Variants in CMSS1 observed in about 807,000 individuals in gnomAD.
The protein encoded by CMSS1 is protein CMSS1.
A neutral mutation model predicts 43.5 loss-of-function variants in CMSS1; 33 were observed. The ratio of observed to expected loss-of-function variants is 0.76; its 90% CI spans 0.57 to 1.01. The LOEUF (loss-of-function observed/expected upper bound fraction) is 1.01, where lower values mean the gene tolerates loss of function less well. CMSS1 is among the 50% of genes least tolerant of loss of function. The pLI is 0.00. For synonymous variants in CMSS1, 115 were observed against 117.2 expected (o/e 0.98, Z 0.12); for missense variants, 313 against 326.4 (o/e 0.96, Z 0.32).
intron 1 of CMSS1, chr3:100,114,480 C>T (rs1250869085): frequency 3.9e-5 from 6 of 154,782 alleles, no homozygotes; most frequent in Admixed American, 1.9e-4. Flanking sequence ...CAGGCACAGG[C>T]TCCGTGAGCA....
intron 1 of CMSS1, among the ~76,000 whole-genome samples, chr3:99,884,800 A>G (rs1409403071): frequency 6.6e-6 from 1 of 152,232 alleles, no homozygotes; most frequent in Non-Finnish European, 1.5e-5. Context: ...TGTATACAGG[A>G]TACCATGGAA....
intron 1 of CMSS1, among the ~76,000 whole-genome samples, chr3:100,058,745 G>T (rs144146179): frequency 6.6e-6 from 1 of 152,328 alleles, no homozygotes; most frequent in African/African-American, 2.4e-5. Flanking sequence ...AGGCTTTTCA[G>T]TAGAAGGAGG....
rs530314825 is a variant in CMSS1 at position 99,841,903 on chromosome 3, G to A, written c.64+23860G>A. Among the ~76,000 whole-genome samples the A allele has an allele frequency of 5.3e-5, 8 of 152,254 alleles. No individual in the cohort carries two copies. The South Asian group carries it at 1.0e-3, about 20-fold the overall frequency. On this transcript the variant is annotated intron_variant, in intron 1 of 9. Coordinates refer to ENST00000421999, the MANE Select transcript of CMSS1 (RefSeq NM_032359.4). ...TGTTGGTGAGAATGTAAACTAGTAC[G>A]AGCATGGAAAACAGTGTGGAGATTC...
At chr3:100,042,338 C>CA (rs935944035) in intron 1 of CMSS1, among the ~76,000 whole-genome samples, 1 of 151,778 alleles carries the variant, frequency 6.6e-6, no homozygotes, top group African/African-American at 2.4e-5. Flanking sequence ...CAGCCAGTAA[C>CA]AAAAAAACAT....
chr3:100,168,478 G>A (rs1393003532), intron 6 of CMSS1, among the ~76,000 whole-genome samples: 1 of 152,058 alleles, frequency 6.6e-6, no homozygotes, highest in Non-Finnish European at 1.5e-5. Flanking sequence ...GAGAACTCTT[G>A]AGCCCTGGAG....
intron 1 of CMSS1, among the ~76,000 whole-genome samples, chr3:99,987,611 C>A (rs755844504): frequency 3.3e-5 from 5 of 151,820 alleles, no homozygotes; most frequent in African/African-American, 9.7e-5. Context: ...AACCCTCTGG[C>A]CTTAATCTTA....
chr3:100,033,059 A>G (rs2065045886), intron 1 of CMSS1, among the ~76,000 whole-genome samples: 2 of 152,088 alleles, frequency 1.3e-5, no homozygotes, highest in South Asian at 4.1e-4. Context: ...GAGACATGGT[A>G]ACCAAAAAAA....
intron 1 of CMSS1, among the ~76,000 whole-genome samples, chr3:99,983,466 A>ATGTGTG (rs1276688981): frequency 0.034 from 204 of 6,054 alleles, no homozygotes; most frequent in Non-Finnish European, 0.056. Flanking sequence ...ATATGTGTGT[A>ATGTGTG]TATATATATA....
At chr3:99,821,401 T>A (rs1191497742) in intron 1 of CMSS1, among the ~76,000 whole-genome samples, 1 of 152,212 alleles carries the variant, frequency 6.6e-6, no homozygotes, top group Non-Finnish European at 1.5e-5. Context: ...GTCTAGTCAC[T>A]CCATTGGTGG....
rs529299629 is a variant in CMSS1, at chr3:99,961,241, C to T, written c.64+143198C>T. On this transcript the variant is annotated intron_variant, in intron 1 of 9. Transcript: ENST00000421999. Reference sequence around the variant, plus strand: ...CGAGGGGATCCGGACTTGCCTCTTGCAGGTGTTATCCCCTGTGTTGGAATG... The same window carrying T: ...CGAGGGGATCCGGACTTGCCTCTTGTAGGTGTTATCCCCTGTGTTGGAATG... Among the ~76,000 whole-genome samples, 267 of 152,270 alleles carry T rather than the reference C, an allele frequency of 1.8e-3. 1 individual carries two copies. The highest frequency in any genetic ancestry group is 6.1e-3 in the African/African-American group (255 of 41,548).
intron 1 of CMSS1, among the ~76,000 whole-genome samples, chr3:99,927,066 A>T (rs1463214467): frequency 1.3e-5 from 2 of 151,966 alleles, no homozygotes; most frequent in African/African-American, 2.4e-5. Flanking sequence ...CTTCCCACCG[A>T]TCCTACCCAA....
chr3:100,092,251 G>T (rs2066123182), intron 1 of CMSS1, among the ~76,000 whole-genome samples: 1 of 152,178 alleles, frequency 6.6e-6, no homozygotes, highest in South Asian at 2.1e-4. Context: ...AATTGATTGT[G>T]ATTGGAAATA....
intron 1 of CMSS1, chr3:100,040,652 A>G (rs2065190118): frequency 6.6e-6 from 1 of 152,232 alleles, no homozygotes; most frequent in Non-Finnish European, 1.5e-5. Context: ...CAATACACAC[A>G]TAAGCCAGTG....
intron 1 of CMSS1, chr3:99,929,941 T>G (rs1264917629): frequency 6.2e-7 from 1 of 1,613,406 alleles, no homozygotes; most frequent in Non-Finnish European, 8.5e-7. Context: ...CTCTAACACC[T>G]TTTTTGGAGT....
At chr3:100,086,593 A>G (rs1239670823) in intron 1 of CMSS1, among the ~76,000 whole-genome samples, 1 of 152,238 alleles carries the variant, frequency 6.6e-6, no homozygotes, top group South Asian at 2.1e-4. Context: ...CCACCAGGCT[A>G]ACGTCCAAAA....
rs755881035 is a variant in CMSS1, at chr3:99,850,300, G to C, written c.64+32257G>C. On this transcript the variant is annotated intron_variant, in intron 1 of 9. Coordinates refer to ENST00000421999, the MANE Select transcript of CMSS1 (RefSeq NM_032359.4). ...TACTTTTAAACTCTCCAGTTCTTGA[G>C]ACAACTGCTTTGTGGTCATCCTTTC... The C allele has an allele frequency of 1.9e-6, 3 of 1,613,676 alleles. No individual in the cohort carries two copies. The East Asian group carries it at 6.7e-5, about 36-fold the overall frequency.
intron 1 of CMSS1, among the ~76,000 whole-genome samples, chr3:99,968,278 C>T (rs1415835954): frequency 6.6e-6 from 1 of 152,054 alleles, no homozygotes; most frequent in African/African-American, 2.4e-5. Flanking sequence ...AAAAAAATGG[C>T]AAACTACAGA....
chr3:100,062,905 A>G (rs1408050179), intron 1 of CMSS1, among the ~76,000 whole-genome samples: 1 of 152,192 alleles, frequency 6.6e-6, no homozygotes, highest in Non-Finnish European at 1.5e-5. Flanking sequence ...TTCTAGTCTT[A>G]TAACCTTGAG....
At chr3:100,036,972 A>G (rs900479795) in intron 1 of CMSS1, among the ~76,000 whole-genome samples, 1 of 152,188 alleles carries the variant, frequency 6.6e-6, no homozygotes, top group Non-Finnish European at 1.5e-5. Context: ...CTCTTCAAAA[A>G]TGTTAGTATC....
Sources: gnomAD v4.1 joint callset for allele counts (sites outside exome capture counted in the v4.1 genomes callset) on GRCh38, gnomAD v4.1.1 for gene constraint, MANE v1.5 for transcripts, NCBI Gene and HGNC (gene_info 2026-07-23, HGNC 2026-07-21) for gene names.